WDR76: variants seen among roughly 807,000 people sequenced by gnomAD.
WDR76 encodes the protein WD repeat domain 76.
A neutral mutation model predicts 70.2 loss-of-function variants in WDR76; 52 were observed. That is an observed-to-expected ratio of 0.74 (90% CI 0.59 to 0.93). The LOEUF is 0.93. Among genes scored for constraint, WDR76 ranks in the 40% least tolerant of loss-of-function variants. WDR76 has a pLI of 0.00. For synonymous variants in WDR76, 292 were observed against 271.1 expected, an observed-to-expected ratio of 1.08 and a Z score of -0.76; for missense variants, 756 against 760.2, an observed-to-expected ratio of 0.99 and a Z score of 0.07.
intron 4 of WDR76, 144 bp downstream of exon 4, chr15:43,836,360 C>T (rs2087656672): frequency 3.8e-6 from 2 of 527,028 alleles, no homozygotes; most frequent in African/African-American, 2.0e-5. Context: ...TGAGGGAATG[C>T]TACCCTTTAA....
intron 8 of WDR76, among the ~76,000 whole-genome samples, chr15:43,846,237 A>G (rs1432848952): frequency 6.7e-6 from 1 of 149,082 alleles, no homozygotes; most frequent in East Asian, 1.9e-4. Context: ...AGATTAAGGA[A>G]GTATGGGGGT....
rs146050643 is a variant in WDR76, at chr15:43,839,491, A to G, written c.609-114A>G. The G allele has an allele frequency of 6.3e-4, 691 of 1,095,742 alleles. 4 individuals carry two copies. The African/African-American group carries it at 1.0e-2, about 16-fold the overall frequency. 67.9% of individuals were successfully genotyped at this position (1,095,742 alleles called of 1,614,324 possible). A position where few individuals can be genotyped will look rare whatever the true frequency, so the allele number is the denominator to read the frequency against. On this transcript the variant is annotated intron_variant, in intron 4 of 12. Transcript: ENST00000263795. Reference sequence around the variant, plus strand: ...ATTGTGGCCATGTATATATATATCTATGCAGTTTATAAATATATCTGTGGT... The same window carrying G: ...ATTGTGGCCATGTATATATATATCTGTGCAGTTTATAAATATATCTGTGGT...
At chr15:43,851,276 C>G in intron 9 of WDR76, 31 bp downstream of exon 9, 4 of 1,606,012 alleles carry the variant, frequency 2.5e-6, no homozygotes, top group Non-Finnish European at 2.6e-6. Flanking sequence ...ATGCTGACTT[C>G]AGATGATATT....
At chr15:43,865,388 TCAGC>T (rs1489933553) in intron 12 of WDR76, among the ~76,000 whole-genome samples, 3 of 152,268 alleles carry the variant, frequency 2.0e-5, no homozygotes, top group African/African-American at 7.2e-5. Context: ...TTCTCCGGCC[TCAGC>T]CTCCCTAGGA....
intron 3 of WDR76, 95 bp downstream of exon 3, chr15:43,835,245 T>G (rs2087640782): frequency 9.2e-7 from 1 of 1,088,586 alleles, no homozygotes; most frequent in Non-Finnish European, 1.4e-6. Flanking sequence ...CATGGGAGAA[T>G]CGCTTGAGGC....
At chr15:43,851,868 A>G (rs1375603737) in intron 9 of WDR76, among the ~76,000 whole-genome samples, 1 of 151,888 alleles carries the variant, frequency 6.6e-6, no homozygotes, top group East Asian at 1.9e-4. Flanking sequence ...CCAGGAGTTC[A>G]AGATCAGCCT....
At position 43,828,069 on chromosome 15, in the gene WDR76, A is replaced by G; in HGVS notation, c.165A>G (p.Ser55=). Reference sequence around the variant, plus strand: ...CTAAGGTCTATCTTGCCCCCTTTTCACTCAGTAATTACCAGCTAGACCAGC... The same window carrying G: ...CTAAGGTCTATCTTGCCCCCTTTTCGCTCAGTAATTACCAGCTAGACCAGC... ...KTAKVYLAPF[S]LSNYQLDQLM... is the part of the protein sequence containing the mutation. Residue 55 remains serine (S), a synonymous_variant, in exon 2 of 13, where the codon TCA becomes TCG. Coordinates refer to ENST00000263795, the MANE Select transcript of WDR76 (RefSeq NM_024908.4). 6.2e-7 allele frequency: 1 copy of G among 1,614,160 alleles called. No homozygotes were observed. Among genetic ancestry groups the G allele is most frequent in the Non-Finnish European group, 8.5e-7 (1 of 1,180,030 alleles).
At chr15:43,839,141 A>G (rs778600863) in intron 4 of WDR76, among the ~76,000 whole-genome samples, 11 of 152,246 alleles carry the variant, frequency 7.2e-5, no homozygotes, top group Non-Finnish European at 1.3e-4. Flanking sequence ...AAGGGAATGC[A>G]GTGAAACGTT....
In WDR76 at chr15:43,842,434, C is replaced by G; in HGVS notation, c.752C>G (p.Pro251Arg). Residue 251 changes from proline (P) to arginine (R), a missense_variant, in exon 6 of 13, where the codon CCT becomes CGT. Transcript: ENST00000263795. ...ADETPLLPPG[P>R]LEMTSENQED... Reference sequence around the variant, plus strand: ...TAACAGCCTTTGTTACCTCCTGGGCCTTTAGAAATGACTTCTGAAAATCAA... The same window carrying G: ...TAACAGCCTTTGTTACCTCCTGGGCGTTTAGAAATGACTTCTGAAAATCAA... The G allele has an allele frequency of 6.2e-7, 1 of 1,614,004 alleles. No homozygotes were observed. The highest frequency in any genetic ancestry group is 1.3e-5 in the African/African-American group (1 of 75,046).
At chr15:43,832,252 G>C (rs1216396162) in intron 2 of WDR76, among the ~76,000 whole-genome samples, 1 of 151,944 alleles carries the variant, frequency 6.6e-6, no homozygotes, top group African/African-American at 2.4e-5. Flanking sequence ...TTTTCTGGCT[G>C]GGTGTGGTAA....
At chr15:43,846,734 T>C in intron 8 of WDR76, among the ~76,000 whole-genome samples, 1 of 151,854 alleles carries the variant, frequency 6.6e-6, no homozygotes, top group East Asian at 1.9e-4. Context: ...CAAAAATCTG[T>C]ATTACAGCCG....
At chr15:43,836,801 T>G (rs1485151522) in intron 4 of WDR76, among the ~76,000 whole-genome samples, 1 of 150,344 alleles carries the variant, frequency 6.7e-6, no homozygotes, top group African/African-American at 2.5e-5. Flanking sequence ...GGAGGTTGAG[T>G]CAGGGGGTCA....
rs905014229 is a variant in WDR76, at chr15:43,831,918, T to C, written c.463-3143T>C. ...GTGCGATCTCAGCTTACTGTAACTT[T>C]TTGTTTTTTTAATAGAGATGGGGTT... On this transcript the variant is annotated intron_variant, in intron 2 of 12. Coordinates refer to ENST00000263795, the MANE Select transcript of WDR76 (RefSeq NM_024908.4). Among the ~76,000 whole-genome samples the C allele has an allele frequency of 2.6e-5, 4 of 151,862 alleles. No homozygotes were observed. In the East Asian group the frequency reaches 7.8e-4, roughly 29 times the overall value.
chr15:43,828,528 CAAAT>C (rs774924389), intron 2 of WDR76, among the ~76,000 whole-genome samples, 162 bp downstream of exon 2: 2 of 152,182 alleles, frequency 1.3e-5, no homozygotes, highest in Admixed American at 6.5e-5. Context: ...TAAGGTTTAA[CAAAT>C]AACTTCCTTG....
rs745565950 is a variant in WDR76, at chr15:43,827,042, T to G, written c.10T>G (p.Ser4Ala). The change falls in exon 1 of 13, where the codon TCG becomes GCG. Residue 4 changes from serine to alanine, a missense_variant. Transcript: ENST00000263795. MSR[S>A]GAAAEKADSR... ...GCTAAGAAGCCGAAAGATGTCCAGG[T>G]CGGGCGCGGCGGCTGAGAAGGCGGA... 1 of 1,614,046 alleles carries G rather than the reference T, an allele frequency of 6.2e-7. No individual in the cohort carries two copies. The highest frequency in any genetic ancestry group is 8.5e-7 in the Non-Finnish European group (1 of 1,180,006).
At chr15:43,832,231 C>T (rs1217628424) in intron 2 of WDR76, among the ~76,000 whole-genome samples, 1 of 151,902 alleles carries the variant, frequency 6.6e-6, no homozygotes, top group East Asian at 1.9e-4. Flanking sequence ...CCTCTGCATG[C>T]TTTTAAGATC....
intron 11 of WDR76, among the ~76,000 whole-genome samples, chr15:43,859,385 AC>A (rs2087969470): frequency 6.6e-6 from 1 of 152,252 alleles, no homozygotes; most frequent in Non-Finnish European, 1.5e-5. Context: ...GATGTCGGGA[AC>A]ATTAGTGTAA....
intron 9 of WDR76, among the ~76,000 whole-genome samples, chr15:43,852,638 G>C (rs573542939): frequency 6.6e-6 from 1 of 152,212 alleles, no homozygotes; most frequent in South Asian, 2.1e-4. Context: ...CCAAAGTGCT[G>C]GGATTACAGC....
At chr15:43,858,515 G>A (rs749045160) in intron 10 of WDR76, 156 bp from the exon 11 acceptor site, 9 of 878,354 alleles carry the variant, frequency 1.0e-5, no homozygotes, top group African/African-American at 1.7e-5. Flanking sequence ...CAAAGTGCTG[G>A]GATTACAGAC....
Sources: allele counts gnomAD v4.1 joint callset (sites outside exome capture counted in the v4.1 genomes callset), GRCh38; gene constraint gnomAD v4.1.1; transcripts MANE v1.5; gene names NCBI Gene and HGNC (gene_info 2026-07-23, HGNC 2026-07-21).